DLGAP2: variants seen among roughly 807,000 people sequenced by gnomAD.
The protein encoded by DLGAP2 is disks large-associated protein 2.
A neutral mutation model predicts 100.3 loss-of-function variants in DLGAP2; 26 were observed. The ratio of observed to expected loss-of-function variants is 0.26; its 90% CI spans 0.19 to 0.36. DLGAP2 has a LOEUF of 0.36. Among genes scored for constraint, DLGAP2 ranks in the 10% least tolerant of loss-of-function variants. The pLI is 1.00. For missense variants in DLGAP2, 1,858 were observed against 1,453.2 expected, an observed-to-expected ratio of 1.28 and a Z score of -4.53; for synonymous variants, 886 against 630.1, an observed-to-expected ratio of 1.41 and a Z score of -6.08.
chr8:1,174,519 T>C (rs1005387744), intron 2 of DLGAP2, among the ~76,000 whole-genome samples: 6 of 151,818 alleles, frequency 4.0e-5, no homozygotes, highest in Non-Finnish European at 5.9e-5. Context: ...ATTATCACCA[T>C]CACCAAAATC....
chr8:1,345,752 A>T (rs748142663), intron 3 of DLGAP2, among the ~76,000 whole-genome samples: 1 of 152,202 alleles, frequency 6.6e-6, no homozygotes, highest in African/African-American at 2.4e-5. Flanking sequence ...AACACAAGTT[A>T]TTGAAACTTT....
intron 2 of DLGAP2, among the ~76,000 whole-genome samples, chr8:1,237,168 TTC>T (rs1491321259): frequency 7.4e-6 from 1 of 135,034 alleles, no homozygotes; most frequent in African/African-American, 3.1e-5. Flanking sequence ...CCGTGTCTAG[TTC>T]TCTCACATGG....
rs368663387 is a variant in DLGAP2, at chr8:1,668,439, G to A, written c.1921G>A (p.Ala641Thr). ...GAGCAGCACCGAATCCACCCAGGAC[G>A]CCTACCAGGACAGCCGCGCACAGAG... Reference protein sequence around the residue: ...AQSSTESTQDAYQDSRAQRMS... With the variant: ...AQSSTESTQDTYQDSRAQRMS... Residue 641 changes from alanine (A) to threonine (T), a missense_variant, in exon 9 of 15, where the codon GCC (alanine) becomes ACC (threonine). Transcript: ENST00000637795. 35 of 1,601,240 alleles carry A rather than the reference G, an allele frequency of 2.2e-5. No homozygotes were observed. Among genetic ancestry groups the A allele is most frequent in the East Asian group, 4.5e-5 (2 of 43,970 alleles).
At chr8:1,573,616 G>A (rs888500556) in intron 6 of DLGAP2, among the ~76,000 whole-genome samples, 3 of 129,226 alleles carry the variant, frequency 2.3e-5, no homozygotes, top group African/African-American at 7.6e-5. Context: ...AAGTATGCAG[G>A]AAACATCACG....
intron 2 of DLGAP2, among the ~76,000 whole-genome samples, chr8:1,251,581 A>C (rs1799041071): frequency 6.6e-6 from 1 of 152,196 alleles, no homozygotes. Context: ...TTACACGTGC[A>C]AGCCACGGTG....
chr8:834,373 T>A (rs1259124729), intron 1 of DLGAP2, among the ~76,000 whole-genome samples: 1 of 152,198 alleles, frequency 6.6e-6, no homozygotes, highest in Non-Finnish European at 1.5e-5. Flanking sequence ...GTTTAAGCCA[T>A]TATAGTTCCA....
At chr8:1,584,735 G>C (rs967254065) in intron 6 of DLGAP2, among the ~76,000 whole-genome samples, 12 of 152,246 alleles carry the variant, frequency 7.9e-5, no homozygotes, top group African/African-American at 2.9e-4. Context: ...GCCCATCAGG[G>C]AAGCAGCTCA....
chr8:1,601,843 G>C (rs1418225110), intron 6 of DLGAP2, among the ~76,000 whole-genome samples: 1 of 152,100 alleles, frequency 6.6e-6, no homozygotes, highest in Non-Finnish European at 1.5e-5. Context: ...TAGTCATTGA[G>C]ATATCAGCTT....
intron 4 of DLGAP2, among the ~76,000 whole-genome samples, chr8:1,540,948 C>T (rs1372808700): frequency 1.3e-5 from 2 of 152,230 alleles, no homozygotes; most frequent in African/African-American, 4.8e-5. Context: ...CCTGTGAGCA[C>T]AGCAGCAGAA....
intron 3 of DLGAP2, among the ~76,000 whole-genome samples, chr8:1,383,024 T>C (rs1289281671): frequency 6.6e-6 from 1 of 152,240 alleles, no homozygotes; most frequent in Non-Finnish European, 1.5e-5. Context: ...TGTCATCTTA[T>C]TTTTGTGGAA....
intron 2 of DLGAP2, among the ~76,000 whole-genome samples, chr8:966,427 G>T (rs1309776317): frequency 6.6e-6 from 1 of 152,096 alleles, no homozygotes. Flanking sequence ...AACCAACTCC[G>T]CAGGAAAGTT....
intron 2 of DLGAP2, among the ~76,000 whole-genome samples, chr8:1,105,302 G>A (rs1804720318): frequency 1.3e-5 from 2 of 152,234 alleles, no homozygotes; most frequent in South Asian, 4.1e-4. Context: ...CCACAGTTGT[G>A]ATTAGTTAGG....
At chr8:1,544,396 C>G (rs1056423049) in intron 4 of DLGAP2, among the ~76,000 whole-genome samples, 1 of 152,176 alleles carries the variant, frequency 6.6e-6, no homozygotes, top group African/African-American at 2.4e-5. Context: ...TTGTCTTGTT[C>G]TCTTCTCACA....
intron 3 of DLGAP2, among the ~76,000 whole-genome samples, chr8:1,406,923 G>A (rs77051413): frequency 3.1e-3 from 73 of 23,890 alleles, no homozygotes; most frequent in Admixed American, 7.5e-3. Context: ...CTTGTCCTCC[G>A]GAGTCGTGTA....
chr8:1,648,685 C>A (rs1018501433), intron 8 of DLGAP2, among the ~76,000 whole-genome samples: 1 of 152,118 alleles, frequency 6.6e-6, no homozygotes, highest in African/African-American at 2.4e-5. Context: ...CTCAGAGACC[C>A]GCAGGTCCCC....
chr8:1,421,762 G>C (rs532839874), intron 3 of DLGAP2, among the ~76,000 whole-genome samples: 2 of 152,032 alleles, frequency 1.3e-5, no homozygotes, highest in Admixed American at 6.5e-5. Context: ...TCAGCAGTTC[G>C]AGACCAGCCT....
Position 973,990 on chromosome 8 carries a change from T to A in DLGAP2, c.73+66024T>A, listed in dbSNP as rs535357184. 6.2e-3 allele frequency among the ~76,000 whole-genome samples: 942 copies of A among 151,978 alleles called. 8 individuals are homozygous for A. Among genetic ancestry groups the A allele is most frequent in the Non-Finnish European group, 0.011 (746 of 67,944 alleles). Reference sequence around the variant, plus strand: ...CACTCGGTCGCCAGAAAAGATTTTTTTAAAAATGGAACAGAATATTGAAGA... The same window carrying A: ...CACTCGGTCGCCAGAAAAGATTTTTATAAAAATGGAACAGAATATTGAAGA... On this transcript the variant is annotated intron_variant, in intron 2 of 14. Coordinates refer to ENST00000637795, the MANE Select transcript of DLGAP2 (RefSeq NM_001346810.2).
At chr8:1,092,853 GGCCTCATAACTGGGTTCA>G (rs1804230763) in intron 2 of DLGAP2, among the ~76,000 whole-genome samples, 1 of 152,152 alleles carries the variant, frequency 6.6e-6, no homozygotes, top group African/African-American at 2.4e-5. Context: ...TGTGGACCGG[GGCCTCATAACTGGGTTCA>G]GCCCAGATCA....
At chr8:1,617,038 T>C (rs943840209) in intron 6 of DLGAP2, among the ~76,000 whole-genome samples, 2 of 152,204 alleles carry the variant, frequency 1.3e-5, no homozygotes, top group African/African-American at 4.8e-5. Context: ...TCCAGCTCCA[T>C]CCATGTTGCT....
Sources: allele counts gnomAD v4.1 joint callset (sites outside exome capture counted in the v4.1 genomes callset), GRCh38; gene constraint gnomAD v4.1.1; transcripts MANE v1.5; gene names NCBI Gene and HGNC (gene_info 2026-07-23, HGNC 2026-07-21).